Variants in SMAP1 observed in about 807,000 individuals in gnomAD.
The protein encoded by SMAP1 is small ArfGAP 1.
Under a neutral mutation model 58.5 loss-of-function variants are expected in SMAP1, and 24 were observed. That is an observed-to-expected ratio of 0.41 (90% CI 0.30 to 0.58). The LOEUF is 0.58. Among genes scored for constraint, SMAP1 ranks in the 20% least tolerant of loss-of-function variants. The probability of loss-of-function intolerance (pLI) is 0.29; values close to 1 mark genes in which losing one functional copy is unlikely to be tolerated. For missense variants in SMAP1, 563 were observed against 566.3 expected (o/e 0.99, Z 0.06); for synonymous variants, 216 against 196.6 (o/e 1.10, Z -0.82).
At position 70,858,174 on chromosome 6, in the gene SMAP1, C is replaced by A; in HGVS notation, c.1214C>A (p.Pro405His). 6.2e-7 allele frequency: 1 copy of A among 1,613,862 alleles called. No homozygotes were observed. Among genetic ancestry groups the A allele is most frequent in the Non-Finnish European group, 8.5e-7 (1 of 1,179,982 alleles). Residue 405 changes from proline (P) to histidine (H), a missense_variant, in exon 10 of 11, where the codon CCC becomes CAC. By Grantham distance (77) the Pro-to-His change is moderately conservative. Transcript: ENST00000370455. The stretch of plus-strand genomic sequence containing the variant: ...GGAATGGTGGGACAAATGGGTGCAC[C>A]CCAGAGTAAGTTTGGCCTGCCGCAA... ...QGGMVGQMGAPQSKFGLPQAQ... is the reference protein window; with the variant it reads ...QGGMVGQMGAHQSKFGLPQAQ...
At position 70,860,800 on chromosome 6, in the gene SMAP1, T is replaced by TATC. The variant is rs1310614454; in HGVS notation, c.*468_*470dup. The TATC allele has an allele frequency of 2.5e-6, 1 of 398,342 alleles. No individual in the cohort carries two copies. The highest frequency in any genetic ancestry group is 4.4e-6 in the Non-Finnish European group (1 of 225,722). The allele number at this position is 398,342 out of a possible 1,614,324, so 24.7% of individuals were successfully genotyped here. A position where few individuals can be genotyped will look rare whatever the true frequency, so the allele number is the denominator to read the frequency against. On this transcript the variant is annotated 3_prime_UTR_variant, in exon 11 of 11. Transcript: ENST00000370455. ...TCTCACTGAGCACTGTTTTCTAGTG[T>TATC]ATCAAAATGCTCTTATTTCATCATT...
At chr6:70,827,319 A>T (rs1770177514) in intron 6 of SMAP1, among the ~76,000 whole-genome samples, 1 of 152,230 alleles carries the variant, frequency 6.6e-6, no homozygotes. Flanking sequence ...AATGCCAACA[A>T]ATTGGATAAA....
At chr6:70,773,908 A>G (rs141146805) in intron 4 of SMAP1, among the ~76,000 whole-genome samples, 1 of 152,336 alleles carries the variant, frequency 6.6e-6, no homozygotes, top group Non-Finnish European at 1.5e-5. Context: ...AGTAGTAATC[A>G]AATACCATCA....
At chr6:70,770,894 T>C (rs1287108696) in intron 3 of SMAP1, among the ~76,000 whole-genome samples, 1 of 152,168 alleles carries the variant, frequency 6.6e-6, no homozygotes, top group Non-Finnish European at 1.5e-5. Context: ...CTACTTTTGG[T>C]CTTTGATGAT....
At chr6:70,674,730 T>A (rs1006913023) in intron 1 of SMAP1, among the ~76,000 whole-genome samples, 2 of 152,204 alleles carry the variant, frequency 1.3e-5, no homozygotes, top group Non-Finnish European at 2.9e-5. Flanking sequence ...TTTCAGCACT[T>A]TGGGAGGCTG....
intron 2 of SMAP1, among the ~76,000 whole-genome samples, chr6:70,754,560 A>G (rs1766407047): frequency 6.6e-6 from 1 of 152,044 alleles, no homozygotes; most frequent in Non-Finnish European, 1.5e-5. Flanking sequence ...CTTGATTGTA[A>G]ATCAGTAGAA....
intron 6 of SMAP1, among the ~76,000 whole-genome samples, chr6:70,805,028 T>C (rs183433807): frequency 5.1e-4 from 77 of 152,270 alleles, no homozygotes; most frequent in African/African-American, 1.6e-3. Context: ...GTGTTTTTCC[T>C]GAATTTGAAT....
intron 1 of SMAP1, among the ~76,000 whole-genome samples, chr6:70,713,096 G>A (rs746452725): frequency 2.6e-5 from 4 of 151,918 alleles, no homozygotes; most frequent in Non-Finnish European, 5.9e-5. Context: ...CCCATCCTGT[G>A]ATTTTTTTAT....
At chr6:70,812,065 A>T (rs1186672534) in intron 6 of SMAP1, among the ~76,000 whole-genome samples, 1 of 152,172 alleles carries the variant, frequency 6.6e-6, no homozygotes, top group East Asian at 1.9e-4. Flanking sequence ...AAACTTATGA[A>T]TTGCTTATTT....
In SMAP1 at chr6:70,782,746, G is replaced by A. The variant is rs553800740; in HGVS notation, c.415-8943G>A. On this transcript the variant is annotated intron_variant, in intron 4 of 10. Transcript: ENST00000370455. ...GTTTCTGTTTGCTCTGTTTCTCTGA[G>A]TGAGGGCTTTATTGTTCTTTGGATT... Among the ~76,000 whole-genome samples the A allele has an allele frequency of 5.3e-5, 8 of 152,306 alleles. No individual in the cohort carries two copies. The East Asian group carries it at 1.4e-3, about 26-fold the overall frequency.
At chr6:70,726,403 C>A (rs1768787132) in intron 1 of SMAP1, among the ~76,000 whole-genome samples, 1 of 152,110 alleles carries the variant, frequency 6.6e-6, no homozygotes, top group African/African-American at 2.4e-5. Flanking sequence ...ATCACTGTTT[C>A]TCAGAAAAGA....
intron 6 of SMAP1, among the ~76,000 whole-genome samples, chr6:70,833,109 C>A (rs1770430592): frequency 1.3e-5 from 2 of 152,162 alleles, no homozygotes; most frequent in Admixed American, 1.3e-4. Context: ...GGATATTAAG[C>A]TCTAAAAGAT....
chr6:70,817,739 T>C (rs1023446370), intron 6 of SMAP1, among the ~76,000 whole-genome samples: 2 of 152,216 alleles, frequency 1.3e-5, no homozygotes, highest in East Asian at 3.8e-4. Context: ...GTATTTATTT[T>C]GTACAACCAG....
intron 1 of SMAP1, among the ~76,000 whole-genome samples, chr6:70,699,461 C>T (rs745425416): frequency 3.1e-4 from 47 of 152,230 alleles, no homozygotes; most frequent in Non-Finnish European, 6.0e-4. Context: ...GTAGTGAATC[C>T]GGCCTGGCTT....
intron 1 of SMAP1, chr6:70,694,245 A>G (rs1002162863): frequency 3.1e-5 from 7 of 227,676 alleles, no homozygotes; most frequent in African/African-American, 1.7e-4. Context: ...GATACACTCC[A>G]CTGGCAACAC....
intron 1 of SMAP1, among the ~76,000 whole-genome samples, chr6:70,685,451 TTAAA>T (rs1766898094): frequency 6.6e-6 from 1 of 152,132 alleles, no homozygotes; most frequent in South Asian, 2.1e-4. Flanking sequence ...GCTTTAGATG[TTAAA>T]TAAATTCAGA....
intron 6 of SMAP1, among the ~76,000 whole-genome samples, chr6:70,804,047 A>G (rs1768998343): frequency 6.6e-6 from 1 of 152,100 alleles, no homozygotes; most frequent in South Asian, 2.1e-4. Context: ...TATCTTTGTT[A>G]ACCTTCTGTC....
intron 1 of SMAP1, among the ~76,000 whole-genome samples, chr6:70,683,013 GGC>G (rs1480876631): frequency 6.6e-6 from 1 of 151,952 alleles, no homozygotes; most frequent in East Asian, 1.9e-4. Flanking sequence ...ACTCCAACCT[GGC>G]GACAGAGTGA....
At chr6:70,861,999 AAAAAG>A in exon 11 of SMAP1, 1 of 1,567,268 alleles carries the variant, frequency 6.4e-7, no homozygotes, top group Non-Finnish European at 8.6e-7. Flanking sequence ...AATAAAAAAA[AAAAAG>A]AGACTTTAAA....
Sources: allele counts gnomAD v4.1 joint callset (sites outside exome capture counted in the v4.1 genomes callset), GRCh38; gene constraint gnomAD v4.1.1; transcripts MANE v1.5; gene names NCBI Gene and HGNC (gene_info 2026-07-23, HGNC 2026-07-21).